MRPL13: variants seen among roughly 807,000 people sequenced by gnomAD.
MRPL13 encodes the protein mitochondrial ribosomal protein L13.
A neutral mutation model predicts 29.0 loss-of-function variants in MRPL13; 33 were observed. That is an observed-to-expected ratio of 1.14 (90% CI 0.86 to 1.52). The LOEUF is 1.52. MRPL13 is among the 40% of genes most tolerant of loss of function. MRPL13 has a pLI of 0.00. For synonymous variants in MRPL13, 77 were observed against 68.4 expected (o/e 1.13, Z -0.62); for missense variants, 227 against 216.7 (o/e 1.05, Z -0.30).
chr8:120,412,588 G>A (rs1035832433), intron 6 of MRPL13, among the ~76,000 whole-genome samples: 5 of 152,090 alleles, frequency 3.3e-5, no homozygotes, highest in African/African-American at 1.2e-4. Flanking sequence ...ACCTTGGTTT[G>A]GATTTTTCTA....
At position 120,419,863 on chromosome 8, in the gene MRPL13, A is replaced by G. The variant is rs771195899; in HGVS notation, c.382T>C (p.Phe128Leu). 1 of 1,590,260 alleles carries G rather than the reference A, an allele frequency of 6.3e-7. No individual in the cohort carries two copies. The highest frequency in any genetic ancestry group is 1.8e-5 in the Admixed American group (1 of 57,050). Residue 128 changes from phenylalanine to leucine, a missense_variant, in exon 5 of 7, where the codon TTT (phenylalanine) becomes CTT (leucine). Coordinates refer to ENST00000306185, the MANE Select transcript of MRPL13 (RefSeq NM_014078.6). ...RRTMMERLHLFPDEYIPEDIL... is the reference protein window; with the variant it reads ...RRTMMERLHLLPDEYIPEDIL... Reference sequence around the variant, plus strand: ...GACCACTGACTTACCTCATCTGGAAAAAGATGCAACCTTTCCATCATTGTT... The same window carrying G: ...GACCACTGACTTACCTCATCTGGAAGAAGATGCAACCTTTCCATCATTGTT...
chr8:120,443,330 A>AAAG (rs1563779069), intron 1 of MRPL13, 22 bp from the exon 2 acceptor site: 1 of 1,545,506 alleles, frequency 6.5e-7, no homozygotes, highest in South Asian at 1.2e-5. Context: ...AAAAAAAAAA[A>AAAG]AAGAAGAGGA....
intron 3 of MRPL13, among the ~76,000 whole-genome samples, chr8:120,427,809 A>C (rs534065650): frequency 9.2e-4 from 140 of 152,204 alleles, no homozygotes; most frequent in East Asian, 2.9e-3. Flanking sequence ...AAAGAAAAAA[A>C]ACTTTAATAA....
chr8:120,417,014 T>C (rs1356195302), intron 5 of MRPL13, among the ~76,000 whole-genome samples: 1 of 152,228 alleles, frequency 6.6e-6, no homozygotes, highest in Non-Finnish European at 1.5e-5. Context: ...TTGTTTACTC[T>C]GTAGTCTAGT....
chr8:120,444,809 A>C, intron 1 of MRPL13: 1 of 564,886 alleles, frequency 1.8e-6, no homozygotes, highest in Non-Finnish European at 3.2e-6. Flanking sequence ...TACCTCTCCG[A>C]TCTGCTCTAA....
chr8:120,435,040 CAGAT>C (rs1177302467), intron 2 of MRPL13, among the ~76,000 whole-genome samples: 2 of 152,256 alleles, frequency 1.3e-5, no homozygotes, highest in Admixed American at 6.5e-5. Flanking sequence ...AGGGCAGATT[CAGAT>C]AGAGACACCA....
intron 6 of MRPL13, among the ~76,000 whole-genome samples, chr8:120,412,826 C>T (rs1056944108): frequency 1.3e-5 from 2 of 152,120 alleles, no homozygotes; most frequent in Admixed American, 6.5e-5. Flanking sequence ...GAGCATGACC[C>T]AGCAGCTAGT....
chr8:120,400,427 A>T (rs1433770548), intron 6 of MRPL13, among the ~76,000 whole-genome samples: 1 of 152,182 alleles, frequency 6.6e-6, no homozygotes, highest in East Asian at 1.9e-4. Flanking sequence ...TTTGAAACTA[A>T]TGAGAATGAA....
intron 2 of MRPL13, among the ~76,000 whole-genome samples, chr8:120,440,573 C>G (rs1236104063): frequency 6.9e-6 from 1 of 145,712 alleles, no homozygotes; most frequent in African/African-American, 2.6e-5. Context: ...CCACTGCACT[C>G]TAGCCTGGGC....
chr8:120,428,631 A>G (rs544496939), intron 3 of MRPL13, among the ~76,000 whole-genome samples: 65 of 152,296 alleles, frequency 4.3e-4, no homozygotes, highest in African/African-American at 1.6e-3. Flanking sequence ...AGGAACTTAA[A>G]TTTACAAGAA....
At chr8:120,444,944 T>A in intron 1 of MRPL13, 124 bp downstream of exon 1, 6 of 1,279,132 alleles carry the variant, frequency 4.7e-6, no homozygotes, top group Non-Finnish European at 6.8e-6. Flanking sequence ...CTTTCCCAAG[T>A]CACCTCTTGG....
intron 6 of MRPL13, among the ~76,000 whole-genome samples, chr8:120,400,745 A>AAAT (rs1563769897): frequency 1.5e-4 from 12 of 81,364 alleles, no homozygotes; most frequent in South Asian, 7.2e-4. Flanking sequence ...AATAAATAAA[A>AAAT]AAAATAGACT....
chr8:120,438,514 T>C (rs1273675738), intron 2 of MRPL13, among the ~76,000 whole-genome samples: 1 of 152,224 alleles, frequency 6.6e-6, no homozygotes, highest in Non-Finnish European at 1.5e-5. Context: ...AAGCAGAACT[T>C]TGAGTGGACA....
intron 3 of MRPL13, among the ~76,000 whole-genome samples, chr8:120,427,683 G>C (rs1461139752): frequency 6.6e-6 from 1 of 152,006 alleles, no homozygotes; most frequent in Non-Finnish European, 1.5e-5. Context: ...AGAGATGAAG[G>C]CTGGGTATGA....
chr8:120,435,794 T>G (rs1387946485), intron 2 of MRPL13, among the ~76,000 whole-genome samples: 2 of 152,164 alleles, frequency 1.3e-5, no homozygotes, highest in East Asian at 3.9e-4. Flanking sequence ...TGTCTATTAT[T>G]TTTTGACCTT....
chr8:120,407,117 T>C (rs1812677393), intron 6 of MRPL13, among the ~76,000 whole-genome samples: 1 of 152,176 alleles, frequency 6.6e-6, no homozygotes, highest in African/African-American at 2.4e-5. Context: ...ACAAGCAAAA[T>C]ACTGCTACTC....
At chr8:120,437,231 T>C (rs961982303) in intron 2 of MRPL13, among the ~76,000 whole-genome samples, 2 of 152,144 alleles carry the variant, frequency 1.3e-5, no homozygotes, top group African/African-American at 4.8e-5. Flanking sequence ...GAGAAAAATG[T>C]TAGCTAAGCA....
chr8:120,400,692 T>C (rs13252848), intron 6 of MRPL13, among the ~76,000 whole-genome samples: 79,124 of 146,212 alleles, frequency 0.54, 24,206 homozygotes, highest in Non-Finnish European at 0.68. Context: ...GAGCTGGTTT[T>C]TTGGAAAATA....
At chr8:120,437,042 A>T (rs1041265902) in intron 2 of MRPL13, among the ~76,000 whole-genome samples, 7 of 152,178 alleles carry the variant, frequency 4.6e-5, no homozygotes, top group African/African-American at 1.7e-4. Context: ...ATATCAATAT[A>T]GTCACTTCCA....
Sources: allele counts gnomAD v4.1 joint callset (sites outside exome capture counted in the v4.1 genomes callset), GRCh38; gene constraint gnomAD v4.1.1; transcripts MANE v1.5; gene names NCBI Gene and HGNC (gene_info 2026-07-23, HGNC 2026-07-21).